FBRSL1: variants seen among roughly 807,000 people sequenced by gnomAD.
FBRSL1 encodes the protein fibrosin-1-like protein.
A neutral mutation model predicts 89.6 loss-of-function variants in FBRSL1; 51 were observed. The ratio of observed to expected loss-of-function variants is 0.57; its 90% CI spans 0.45 to 0.72. The LOEUF is 0.72. Among genes scored for constraint, FBRSL1 ranks in the 30% least tolerant of loss-of-function variants. FBRSL1 has a pLI of 0.00. For missense variants in FBRSL1, 1,618 were observed against 1,451.8 expected (o/e 1.11, Z -1.86); for synonymous variants, 779 against 681.1 (o/e 1.14, Z -2.24).
intron 2 of FBRSL1, among the ~76,000 whole-genome samples, chr12:132,524,508 T>A (rs920596634): frequency 2.6e-5 from 4 of 152,194 alleles, no homozygotes; most frequent in Non-Finnish European, 4.4e-5. Flanking sequence ...GAGCCGAAGG[T>A]CGGCAGGGAG....
chr12:132,576,331 T>C (rs2040380574), intron 14 of FBRSL1, among the ~76,000 whole-genome samples: 1 of 152,044 alleles, frequency 6.6e-6, no homozygotes, highest in South Asian at 2.1e-4. Context: ...CAGCTGGGAT[T>C]ACAGGCGCCC....
At chr12:132,494,162 A>T (rs984536893) in intron 1 of FBRSL1, among the ~76,000 whole-genome samples, 3 of 152,072 alleles carry the variant, frequency 2.0e-5, no homozygotes, top group Non-Finnish European at 4.4e-5. Flanking sequence ...TCTGACCGGG[A>T]ACTCTGGGTG....
At chr12:132,538,827 T>C (rs997748270) in intron 4 of FBRSL1, among the ~76,000 whole-genome samples, 1 of 151,814 alleles carries the variant, frequency 6.6e-6, no homozygotes, top group Non-Finnish European at 1.5e-5. Flanking sequence ...AATATAGCAT[T>C]TTTCTTCAGG....
At position 132,549,844 on chromosome 12, in the gene FBRSL1, C is replaced by T. The variant is rs374129019; in HGVS notation, c.645+1812C>T. Reference sequence around the variant, plus strand: ...TGCCTGCAGAGATGCGGCCCCTGCCCGGGCCTGGGCTGGAGGCCGAGGGGT... The same window carrying T: ...TGCCTGCAGAGATGCGGCCCCTGCCTGGGCCTGGGCTGGAGGCCGAGGGGT... On this transcript the variant is annotated intron_variant, in intron 5 of 18. Transcript: ENST00000680143. Among the ~76,000 whole-genome samples, 41 of 152,298 alleles carry T rather than the reference C, an allele frequency of 2.7e-4. 2 individuals are homozygous for T. In the South Asian group the frequency reaches 5.6e-3, roughly 21 times the overall value.
chr12:132,490,415 C>A lies in FBRSL1; in HGVS notation c.-156C>A. 1 of 368,572 alleles carries A rather than the reference C, an allele frequency of 2.7e-6. No individual in the cohort carries two copies. The highest frequency in any genetic ancestry group is 3.7e-6 in the Non-Finnish European group (1 of 273,666). 22.8% of individuals were successfully genotyped at this position (368,572 alleles called of 1,614,324 possible). ...GGGCTGAGCCGCCCCCCGCGCCCGGCATGCCCGGCCCGGCCCGCCGCCCGC... is the reference window on the plus strand; with the variant it reads ...GGGCTGAGCCGCCCCCCGCGCCCGGAATGCCCGGCCCGGCCCGCCGCCCGC... On this transcript the variant is annotated 5_prime_UTR_variant, in exon 1 of 19. Coordinates refer to ENST00000680143, the MANE Select transcript of FBRSL1 (RefSeq NM_001367871.1).
rs530592931 is a variant in FBRSL1 at position 132,548,050 on chromosome 12, C to T, written c.645+18C>T. On this transcript the variant is annotated intron_variant, in intron 5 of 18. Coordinates refer to ENST00000680143, the MANE Select transcript of FBRSL1 (RefSeq NM_001367871.1). ...ACGACAAGGTAAGCCCAGCGTCCTC[C>T]TCCTGGGCTCGGCTGACAGCCCTGC... is the stretch of plus-strand genomic sequence containing the variant. The T allele has an allele frequency of 6.5e-7, 1 of 1,549,804 alleles. No individual in the cohort carries two copies. Among genetic ancestry groups the T allele is most frequent in the Non-Finnish European group, 8.7e-7 (1 of 1,146,502 alleles).
chr12:132,535,763 G>A (rs1335722553), intron 4 of FBRSL1, among the ~76,000 whole-genome samples: 1 of 152,182 alleles, frequency 6.6e-6, no homozygotes, highest in African/African-American at 2.4e-5. Context: ...ACGTGTACAT[G>A]ACAGTGTGAG....
chr12:132,532,487 C>T (rs980633757), intron 4 of FBRSL1, among the ~76,000 whole-genome samples: 1 of 152,216 alleles, frequency 6.6e-6, no homozygotes, highest in Non-Finnish European at 1.5e-5. Flanking sequence ...CACTTGGCCA[C>T]AGCCCCCCCA....
chr12:132,559,925 G>A (rs1412302626), intron 5 of FBRSL1: 1 of 148,664 alleles, frequency 6.7e-6, no homozygotes, highest in Non-Finnish European at 1.5e-5. Context: ...GTCTGCCCGC[G>A]CCCCGCCCCC....
At chr12:132,514,230 G>A (rs992552336) in intron 2 of FBRSL1, among the ~76,000 whole-genome samples, 10 of 152,174 alleles carry the variant, frequency 6.6e-5, no homozygotes, top group African/African-American at 2.4e-4. Flanking sequence ...GGGGGGCTGG[G>A]GGGGCACCTG....
chr12:132,532,383 TCTC>T (rs752533375), intron 4 of FBRSL1, among the ~76,000 whole-genome samples: 44 of 151,908 alleles, frequency 2.9e-4, no homozygotes, highest in Non-Finnish European at 5.3e-4. Context: ...CACCCAGAAT[TCTC>T]CTCCATGCGG....
rs1252000069 is a variant in FBRSL1 at position 132,499,123 on chromosome 12, G to A, written c.291+8262G>A. ...TCCCTGGGACTGGTGGGCCTCATCC[G>A]GCCTCGGCAGCCGCCCCGCCCATTC... is the stretch of plus-strand genomic sequence containing the variant. On this transcript the variant is annotated intron_variant, in intron 1 of 18. Coordinates refer to ENST00000680143, the MANE Select transcript of FBRSL1 (RefSeq NM_001367871.1). The surrounding 1 kb of genome is among the most constrained non-coding windows in gnomAD (Gnocchi z 4.3). Among the ~76,000 whole-genome samples, 1 of 152,226 alleles carries A rather than the reference G, an allele frequency of 6.6e-6. No homozygotes were observed. Among genetic ancestry groups the A allele is most frequent in the Non-Finnish European group, 1.5e-5 (1 of 68,022 alleles).
intron 1 of FBRSL1, among the ~76,000 whole-genome samples, chr12:132,506,255 C>T (rs1474772095): frequency 1.3e-5 from 2 of 152,126 alleles, no homozygotes; most frequent in South Asian, 2.1e-4. Context: ...CGGCAGAAAT[C>T]TTTATATTTT....
intron 1 of FBRSL1, among the ~76,000 whole-genome samples, chr12:132,501,244 A>C (rs2032915758): frequency 6.6e-6 from 1 of 152,200 alleles, no homozygotes; most frequent in South Asian, 2.1e-4. Flanking sequence ...AGGGGTCGTC[A>C]GTTCTGTGGG....
chr12:132,569,221 G>A (rs1483653918), intron 6 of FBRSL1, among the ~76,000 whole-genome samples: 1 of 151,918 alleles, frequency 6.6e-6, no homozygotes, highest in Non-Finnish European at 1.5e-5. Flanking sequence ...GGGGGTGGGG[G>A]GGGCAGGCCC....
chr12:132,570,482 ACTGCCCCCGCCCCCGGCG>A lies in FBRSL1; in HGVS notation c.1161_1178del (p.Pro388_Pro393del), dbSNP rs2039934234. The A allele has an allele frequency of 1.3e-6, 2 of 1,529,542 alleles. No individual in the cohort carries two copies. Among genetic ancestry groups the A allele is most frequent in the Non-Finnish European group, 1.7e-6 (2 of 1,143,838 alleles). 94.7% of individuals were successfully genotyped at this position (1,529,542 alleles called of 1,614,324 possible). A position where few individuals can be genotyped will look rare whatever the true frequency, so the allele number is the denominator to read the frequency against. ...CGGCCATGTTTGCCGCACCCCCGAC[ACTGCCCCCGCCCCCGGCG>A]CTGCCGGCCAGCAGCCTGGTCCTCC... On this transcript the variant is annotated inframe_deletion, in exon 8 of 19. Transcript: ENST00000680143.
In FBRSL1 at chr12:132,581,489, A is replaced by G; in HGVS notation, c.1885A>G (p.Ser629Gly). 1 of 1,551,080 alleles carries G rather than the reference A, an allele frequency of 6.4e-7. No individual in the cohort carries two copies. Among genetic ancestry groups the G allele is most frequent in the Non-Finnish European group, 8.7e-7 (1 of 1,146,932 alleles). Residue 629 changes from serine to glycine, a missense_variant, in exon 16 of 19, where the codon AGC becomes GGC. Transcript: ENST00000680143. ...NPFGPSAHPGSFLPTGPLTDP... is the reference protein window; with the variant it reads ...NPFGPSAHPGGFLPTGPLTDP... The stretch of plus-strand genomic sequence containing the variant: ...ATTTGGACCCTCAGCCCATCCTGGC[A>G]GCTTCCTGCCCACTGGCCCCCTGAC...
At chr12:132,497,960 T>A (rs1417770082) in intron 1 of FBRSL1, among the ~76,000 whole-genome samples, 1 of 151,458 alleles carries the variant, frequency 6.6e-6, no homozygotes, top group Non-Finnish European at 1.5e-5. Flanking sequence ...ACCCCAGGAG[T>A]GTATGGCATC....
At chr12:132,552,418 GAC>G (rs1469493659) in intron 5 of FBRSL1, 2 of 155,038 alleles carry the variant, frequency 1.3e-5, no homozygotes, top group East Asian at 3.9e-4. Context: ...CCGTGGGACA[GAC>G]AGAAGGATGG....
Sources: allele counts gnomAD v4.1 joint callset (sites outside exome capture counted in the v4.1 genomes callset), GRCh38; gene constraint gnomAD v4.1.1; non-coding constraint Gnocchi (gnomAD v3.1); transcripts MANE v1.5; gene names NCBI Gene and HGNC (gene_info 2026-07-23, HGNC 2026-07-21).